The following UGT3A1 variants were observed in gnomAD, a reference collection of about 807,000 sequenced individuals.
UGT3A1 encodes UDP-glycosyltransferase 3A1.
In UGT3A1, 40 loss-of-function variants were observed where a neutral mutation model predicts 37.6. The ratio of observed to expected loss-of-function variants is 1.06; its 90% CI spans 0.83 to 1.38. UGT3A1 has a LOEUF of 1.38. Ranked by LOEUF, UGT3A1 falls within the 40% of genes most tolerant of loss-of-function variation. The pLI, the probability that UGT3A1 is intolerant of heterozygous loss-of-function variation, is 0.00. For synonymous variants in UGT3A1, 256 were observed against 232.3 expected (o/e 1.10, Z -0.93); for missense variants, 642 against 634.2 (o/e 1.01, Z -0.13).
At chr5:35,976,806 C>T (rs1195641248) in intron 2 of UGT3A1, among the ~76,000 whole-genome samples, 1 of 142,882 alleles carries the variant, frequency 7.0e-6, no homozygotes, top group East Asian at 2.1e-4. Context: ...TGCACTCTAG[C>T]CTGGGCAACA....
Position 35,957,959 on chromosome 5 carries a change from A to G in UGT3A1, c.844-540T>C, listed in dbSNP as rs370201726. Among the ~76,000 whole-genome samples the G allele has an allele frequency of 2.0e-5, 3 of 152,184 alleles. No homozygotes were observed. The South Asian group carries it at 6.2e-4, about 32-fold the overall frequency. ...TGTAGATAATCTTTCCATTACTAAA[A>G]ATGGGGTATCGAAGTCCCAAGCTAT... On this transcript the variant is annotated intron_variant, in intron 4 of 6. Coordinates refer to ENST00000274278, the MANE Select transcript of UGT3A1 (RefSeq NM_152404.4).
At chr5:35,980,682 G>A (rs1740485984) in intron 2 of UGT3A1, among the ~76,000 whole-genome samples, 1 of 152,122 alleles carries the variant, frequency 6.6e-6, no homozygotes, top group Non-Finnish European at 1.5e-5. Context: ...CCAAGCAGCT[G>A]GAAAAAGTAT....
intron 3 of UGT3A1, 57 bp downstream of exon 3, chr5:35,967,962 A>T (rs1051312677): frequency 7.5e-7 from 1 of 1,325,914 alleles, no homozygotes; most frequent in Non-Finnish European, 1.1e-6. Flanking sequence ...GCATCTCTCT[A>T]TTCATTTGTA....
intron 2 of UGT3A1, 106 bp downstream of exon 2, chr5:35,988,344 T>C: frequency 2.7e-6 from 2 of 744,668 alleles, no homozygotes; most frequent in East Asian, 2.8e-5. Flanking sequence ...CATCCCGAAA[T>C]AAGACTAGAT....
intron 2 of UGT3A1, among the ~76,000 whole-genome samples, chr5:35,973,519 A>G (rs1193771560): frequency 2.0e-5 from 3 of 152,222 alleles, no homozygotes; most frequent in Non-Finnish European, 4.4e-5. Context: ...GGTGGACTAC[A>G]CTAAATAAAA....
At chr5:35,969,262 C>T (rs1236646580) in intron 2 of UGT3A1, among the ~76,000 whole-genome samples, 2 of 152,100 alleles carry the variant, frequency 1.3e-5, no homozygotes, top group Admixed American at 1.3e-4. Context: ...GCTACTATTG[C>T]TGATTATATC....
chr5:35,957,419 C>T lies in UGT3A1; in HGVS notation c.844G>A (p.Asp282Asn). The change falls in exon 5 of 7, where the codon GAC (aspartate) becomes AAC (asparagine). Residue 282 changes from aspartate to asparagine, a missense_variant and splice_region_variant. By Grantham distance (23) the Asp-to-Asn change is conservative. Transcript: ENST00000274278. ...AAGTTGGCAATGAAGTTGTCCAAGT[C>T]CTAGAGAGAGATGACAAAAGAAAGG... is the stretch of plus-strand genomic sequence containing the variant. The part of the protein sequence containing the change: ...MEKPIKPVPQ[D>N]LDNFIANFGD... 6.2e-7 allele frequency: 1 copy of T among 1,612,918 alleles called. No homozygotes were observed. Among genetic ancestry groups the T allele is most frequent in the South Asian group, 1.1e-5 (1 of 90,778 alleles).
At chr5:36,000,823 A>C (rs972750540) in intron 1 of UGT3A1, 15 of 152,352 alleles carry the variant, frequency 9.8e-5, no homozygotes, top group African/African-American at 3.6e-4. Context: ...ATCCTTTAGT[A>C]ACTGAAGTGA....
At position 35,955,355 on chromosome 5, in the gene UGT3A1, GT is replaced by G. The variant is rs1248021211; in HGVS notation, c.1295+289del. 8.7e-6 allele frequency: 5 copies of G among 571,602 alleles called. No homozygotes were observed. The Admixed American group carries it at 1.5e-4, about 18-fold the overall frequency. 35.4% of individuals were successfully genotyped at this position (571,602 alleles called of 1,614,324 possible). A position where few individuals can be genotyped will look rare whatever the true frequency, so the allele number is the denominator to read the frequency against. On this transcript the variant is annotated intron_variant, in intron 6 of 6. Coordinates refer to ENST00000274278, the MANE Select transcript of UGT3A1 (RefSeq NM_152404.4). ...ACACACAAAGAAACCCCCCGCTTCA[GT>G]TGGAATTCCACTAGAGGGACTCCCA... is the stretch of plus-strand genomic sequence containing the variant.
At chr5:35,995,090 C>A (rs1741063455), upstream of UGT3A1, among the ~76,000 whole-genome samples, 1 of 152,144 alleles carries the variant, frequency 6.6e-6, no homozygotes, top group Non-Finnish European at 1.5e-5. Context: ...GGCCAACAAA[C>A]AACTTAGAAA....
intron 2 of UGT3A1, 103 bp from the exon 3 acceptor site, chr5:35,968,236 G>T: frequency 1.4e-6 from 1 of 713,914 alleles, no homozygotes; most frequent in Non-Finnish European, 2.2e-6. Context: ...TTACATTTAT[G>T]GAAATGTTTA....
Position 35,962,737 on chromosome 5 carries a change from G to C in UGT3A1, c.843+2649C>G, listed in dbSNP as rs1739638256. ...ATGAATGGTTCCTTCCTGAGACCAAGCCAGTCCTTCATAATTTGGCCAAAC... is the reference window on the plus strand; with the variant it reads ...ATGAATGGTTCCTTCCTGAGACCAACCCAGTCCTTCATAATTTGGCCAAAC... On this transcript the variant is annotated intron_variant, in intron 4 of 6. Transcript: ENST00000274278. 21 of 606,520 alleles carry C rather than the reference G, an allele frequency of 3.5e-5. No homozygotes were observed. The South Asian group carries it at 4.1e-4, about 12-fold the overall frequency. 37.6% of individuals were successfully genotyped at this position (606,520 alleles called of 1,614,324 possible). A position where few individuals can be genotyped will look rare whatever the true frequency, so the allele number is the denominator to read the frequency against.
chr5:35,993,563 C>T (rs1319177872), upstream of UGT3A1, among the ~76,000 whole-genome samples: 2 of 152,146 alleles, frequency 1.3e-5, no homozygotes, highest in African/African-American at 4.8e-5. Context: ...CTCAATATCC[C>T]ACCCTCTCCC....
At position 35,965,717 on chromosome 5, in the gene UGT3A1, C is replaced by T. The variant is rs1178036607; in HGVS notation, c.512G>A (p.Gly171Asp). The T allele has an allele frequency of 6.2e-7, 1 of 1,614,022 alleles. No individual in the cohort carries two copies. Among genetic ancestry groups the T allele is most frequent in the African/African-American group, 1.3e-5 (1 of 74,908 alleles). ...PFVAILPTTF[G>D]SLDFGLPSPL... The stretch of plus-strand genomic sequence containing the variant: ...GCTTGGTAGCCCAAAATCCAAAGAG[C>T]CGAATGTGGTGGGAAGAATGGCCAC... The change falls in exon 4 of 7, where the codon GGC becomes GAC. Residue 171 changes from glycine (G) to aspartate (D), a missense_variant. Coordinates refer to ENST00000274278, the MANE Select transcript of UGT3A1 (RefSeq NM_152404.4).
At chr5:36,000,981 T>C (rs1741212079) in exon 1 of UGT3A1, 1 of 152,220 alleles carries the variant, frequency 6.6e-6, no homozygotes. Flanking sequence ...ATATGTGGAC[T>C]CATGCCTCTT....
At chr5:35,973,136 T>G (rs1740117930) in intron 2 of UGT3A1, among the ~76,000 whole-genome samples, 1 of 152,188 alleles carries the variant, frequency 6.6e-6, no homozygotes, top group Non-Finnish European at 1.5e-5. Flanking sequence ...AGAAGCAACT[T>G]TTCTACACCC....
At position 35,968,002 on chromosome 5, in the gene UGT3A1, G is replaced by A. The variant is rs570435209; in HGVS notation, c.311+17C>T. The A allele has an allele frequency of 5.1e-5, 81 of 1,573,086 alleles. No individual in the cohort carries two copies. The African/African-American group carries it at 9.7e-4, about 19-fold the overall frequency. On this transcript the variant is annotated intron_variant, in intron 3 of 6. Transcript: ENST00000274278. ...TAAAATAGTGACTCTTTGCTTCATA[G>A]AATGAAAAGAAGTTACCTGCCATCC...
intron 2 of UGT3A1, among the ~76,000 whole-genome samples, chr5:35,969,045 T>C (rs1739931618): frequency 6.6e-6 from 1 of 152,154 alleles, no homozygotes; most frequent in Non-Finnish European, 1.5e-5. Flanking sequence ...GTGGAATAAC[T>C]CTTACCCTAT....
At chr5:35,973,349 G>A (rs1390792126) in intron 2 of UGT3A1, among the ~76,000 whole-genome samples, 1 of 152,178 alleles carries the variant, frequency 6.6e-6, no homozygotes, top group Non-Finnish European at 1.5e-5. Context: ...TGGGGTACAT[G>A]TGTAGAAGAG....
Sources: gnomAD v4.1 joint callset for allele counts (sites outside exome capture counted in the v4.1 genomes callset) on GRCh38, gnomAD v4.1.1 for gene constraint, MANE v1.5 for transcripts, NCBI Gene and HGNC (gene_info 2026-07-23, HGNC 2026-07-21) for gene names.